Variants in GABRB2 observed in about 807,000 individuals in gnomAD.
The protein encoded by GABRB2 is gamma-aminobutyric acid receptor subunit beta-2.
In GABRB2, 16 loss-of-function variants were observed where a neutral mutation model predicts 54.7. That is an observed-to-expected ratio of 0.29 (90% CI 0.20 to 0.44). The LOEUF is 0.44. GABRB2 is among the 20% of genes least tolerant of loss of function. The probability of loss-of-function intolerance (pLI) is 1.00; values close to 1 mark genes in which losing one functional copy is unlikely to be tolerated. For missense variants in GABRB2, 355 were observed against 644.0 expected, an observed-to-expected ratio of 0.55 and a Z score of 4.86; for synonymous variants, 244 against 233.8, an observed-to-expected ratio of 1.04 and a Z score of -0.40.
intron 9 of GABRB2, among the ~76,000 whole-genome samples, chr5:161,324,262 T>A (rs1330604668): frequency 1.3e-5 from 2 of 152,174 alleles, no homozygotes; most frequent in East Asian, 3.8e-4. Context: ...TATATCTGTG[T>A]GGGAGTGTGC....
intron 8 of GABRB2, 145 bp from the exon 9 acceptor site, chr5:161,326,626 A>G: frequency 9.4e-7 from 1 of 1,063,740 alleles, no homozygotes; most frequent in Non-Finnish European, 1.3e-6. Flanking sequence ...TGGGAATTTG[A>G]GTAAGTTTTT....
chr5:161,398,646 C>T (rs1756077707), intron 5 of GABRB2, among the ~76,000 whole-genome samples: 1 of 151,432 alleles, frequency 6.6e-6, no homozygotes, highest in African/African-American at 2.4e-5. Context: ...TTTCCATAGA[C>T]ACTGTTTTTT....
intron 3 of GABRB2, among the ~76,000 whole-genome samples, chr5:161,492,957 T>C (rs1307934120): frequency 6.6e-6 from 1 of 151,836 alleles, no homozygotes; most frequent in Non-Finnish European, 1.5e-5. Context: ...TTCAATCTTC[T>C]TGTTACAAAT....
chr5:161,327,878 A>T (rs748453235), intron 8 of GABRB2, among the ~76,000 whole-genome samples: 16 of 152,262 alleles, frequency 1.1e-4, no homozygotes, highest in Middle Eastern at 6.8e-3. Flanking sequence ...ATAGAATTAC[A>T]GTTGAAAAGA....
chr5:161,485,301 G>C (rs1327107180), intron 3 of GABRB2, among the ~76,000 whole-genome samples: 1 of 151,714 alleles, frequency 6.6e-6, no homozygotes, highest in East Asian at 1.9e-4. Context: ...TTCCCCCAGT[G>C]GTCTATAAAT....
At chr5:161,313,272 A>G (rs1757929155) in intron 9 of GABRB2, among the ~76,000 whole-genome samples, 1 of 152,188 alleles carries the variant, frequency 6.6e-6, no homozygotes, top group African/African-American at 2.4e-5. Flanking sequence ...TTACAAAATG[A>G]TAGAATCCTT....
chr5:161,531,743 C>A lies in GABRB2; in HGVS notation c.237+13484G>T, dbSNP rs554482736. ...TTTCTATGAGAAATTAAAAAAAAAA[C>A]CTCAAAACTGGTGTCAGGGTGAATA... On this transcript the variant is annotated intron_variant, in intron 3 of 9. Transcript: ENST00000393959. Among the ~76,000 whole-genome samples, 553 of 151,606 alleles carry A rather than the reference C, an allele frequency of 3.6e-3. 8 individuals are homozygous for A. Among genetic ancestry groups the A allele is most frequent in the African/African-American group, 0.013 (525 of 41,362 alleles).
chr5:161,420,927 T>TGA (rs1335021022), intron 4 of GABRB2, among the ~76,000 whole-genome samples: 2 of 152,138 alleles, frequency 1.3e-5, no homozygotes, highest in African/African-American at 2.4e-5. Flanking sequence ...GTTAAGGGAA[T>TGA]GAAAGTTCCT....
chr5:161,488,040 C>A (rs1049934805), intron 3 of GABRB2, among the ~76,000 whole-genome samples: 1 of 151,732 alleles, frequency 6.6e-6, no homozygotes. Flanking sequence ...ATATACCTTC[C>A]TTCACAAGAA....
chr5:161,374,186 C>T (rs532163938), intron 5 of GABRB2, among the ~76,000 whole-genome samples: 1 of 152,136 alleles, frequency 6.6e-6, no homozygotes, highest in East Asian at 1.9e-4. Context: ...TCAGATGATC[C>T]GTTGGCCTCG....
intron 3 of GABRB2, among the ~76,000 whole-genome samples, chr5:161,495,590 T>C (rs1360278056): frequency 6.6e-6 from 1 of 152,068 alleles, no homozygotes; most frequent in Non-Finnish European, 1.5e-5. Context: ...CAACTCAAAA[T>C]AGTGTATTCT....
At chr5:161,422,955 C>G (rs1256792938) in intron 4 of GABRB2, among the ~76,000 whole-genome samples, 1 of 152,210 alleles carries the variant, frequency 6.6e-6, no homozygotes, top group East Asian at 1.9e-4. Flanking sequence ...GAATTCCATC[C>G]ATAAGATCTC....
intron 3 of GABRB2, among the ~76,000 whole-genome samples, chr5:161,510,329 G>A (rs181708151): frequency 1.6e-4 from 24 of 149,526 alleles, no homozygotes; most frequent in African/African-American, 5.4e-4. Flanking sequence ...TTTTTAGACC[G>A]CACTAATAAG....
In GABRB2 at chr5:161,455,864, G is replaced by A. The variant is rs185909565; in HGVS notation, c.458+3760C>T. On this transcript the variant is annotated intron_variant, in intron 4 of 9. Transcript: ENST00000393959. ...AGACATTCAAACAGACAAGCTGAAAGAACAATACAATGAACACTTACATAC... is the reference window on the plus strand; with the variant it reads ...AGACATTCAAACAGACAAGCTGAAAAAACAATACAATGAACACTTACATAC... 9.6e-3 allele frequency among the ~76,000 whole-genome samples: 1,467 copies of A among 152,158 alleles called. 12 individuals are homozygous for A. The highest frequency in any genetic ancestry group is 0.015 in the Non-Finnish European group (1,052 of 67,976).
intron 3 of GABRB2, among the ~76,000 whole-genome samples, chr5:161,531,128 C>G (rs1760447472): frequency 6.6e-6 from 1 of 152,096 alleles, no homozygotes; most frequent in Non-Finnish European, 1.5e-5. Flanking sequence ...GTGGCTTGAA[C>G]AACGAAAGGC....
intron 3 of GABRB2, among the ~76,000 whole-genome samples, chr5:161,531,647 A>G (rs1760466204): frequency 6.6e-6 from 1 of 152,030 alleles, no homozygotes; most frequent in Non-Finnish European, 1.5e-5. Context: ...CTATGATCCA[A>G]TATCTCCCAG....
intron 4 of GABRB2, among the ~76,000 whole-genome samples, chr5:161,438,162 GTATCACTC>G (rs928019494): frequency 9.9e-5 from 15 of 152,182 alleles, no homozygotes; most frequent in Non-Finnish European, 2.1e-4. Context: ...AGGGGTGCTT[GTATCACTC>G]CACCCCCAGC....
intron 4 of GABRB2, among the ~76,000 whole-genome samples, chr5:161,445,326 T>C (rs1662084031): frequency 6.6e-6 from 1 of 152,172 alleles, no homozygotes; most frequent in Admixed American, 6.6e-5. Flanking sequence ...GAGTTTGTTC[T>C]GCCATTAGGA....
intron 3 of GABRB2, among the ~76,000 whole-genome samples, chr5:161,491,173 A>C (rs1759083893): frequency 6.6e-6 from 1 of 151,702 alleles, no homozygotes; most frequent in Non-Finnish European, 1.5e-5. Context: ...AATAGTAATA[A>C]TAAAAGAAAA....
Sources: allele counts gnomAD v4.1 joint callset (sites outside exome capture counted in the v4.1 genomes callset), GRCh38; gene constraint gnomAD v4.1.1; transcripts MANE v1.5; gene names NCBI Gene and HGNC (gene_info 2026-07-23, HGNC 2026-07-21).